Variants in DLC1 observed in about 807,000 individuals in gnomAD.
DLC1 encodes the protein DLC1 Rho GTPase activating protein.
A neutral mutation model predicts 140.3 loss-of-function variants in DLC1; 54 were observed. That is an observed-to-expected ratio of 0.38 (90% CI 0.31 to 0.48). DLC1 has a LOEUF of 0.48. Among genes scored for constraint, DLC1 ranks in the 20% least tolerant of loss-of-function variants. DLC1 has a pLI of 0.96. For missense variants in DLC1, 2,536 were observed against 1,907.0 expected (o/e 1.33, Z -6.14); for synonymous variants, 986 against 728.1 (o/e 1.35, Z -5.70).
At chr8:13,323,679 C>G (rs935166373) in intron 4 of DLC1, among the ~76,000 whole-genome samples, 2 of 152,104 alleles carry the variant, frequency 1.3e-5, no homozygotes, top group African/African-American at 4.8e-5. Flanking sequence ...CATGCATAGT[C>G]AGGCATATGG....
At chr8:13,087,230 T>G (rs1311437432) in intron 16 of DLC1, among the ~76,000 whole-genome samples, 1 of 152,190 alleles carries the variant, frequency 6.6e-6, no homozygotes, top group Non-Finnish European at 1.5e-5. Flanking sequence ...GGTGACACCA[T>G]GTCTCTACCA....
chr8:13,151,556 G>GA (rs1357161703), intron 5 of DLC1, among the ~76,000 whole-genome samples: 2 of 151,946 alleles, frequency 1.3e-5, no homozygotes, highest in African/African-American at 2.4e-5. Flanking sequence ...GACTGAAAAA[G>GA]AAAAAAGAAT....
intron 3 of DLC1, among the ~76,000 whole-genome samples, chr8:13,398,037 A>T (rs978765108): frequency 1.4e-3 from 72 of 52,192 alleles, no homozygotes; most frequent in African/African-American, 4.9e-3. Flanking sequence ...AGGCTGAGGC[A>T]GGAGAATTGC....
At chr8:13,335,288 TG>T (rs2116960053) in intron 4 of DLC1, among the ~76,000 whole-genome samples, 1 of 152,158 alleles carries the variant, frequency 6.6e-6, no homozygotes, top group South Asian at 2.1e-4. Flanking sequence ...ATCAGGCAAA[TG>T]GGTAGAGAAC....
chr8:13,506,211 ATATG>A (rs1161830291), intron 1 of DLC1, among the ~76,000 whole-genome samples: 1 of 152,166 alleles, frequency 6.6e-6, no homozygotes, highest in African/African-American at 2.4e-5. Context: ...GCACACATAA[ATATG>A]TATATGTAAA....
At chr8:13,233,185 C>T (rs1041877447) in intron 5 of DLC1, among the ~76,000 whole-genome samples, 9 of 150,108 alleles carry the variant, frequency 6.0e-5, no homozygotes, top group South Asian at 2.1e-4. Flanking sequence ...ATCCTAGCTA[C>T]TCAAGAGGCT....
intron 5 of DLC1, among the ~76,000 whole-genome samples, chr8:13,146,157 C>T (rs1438638273): frequency 6.6e-6 from 1 of 151,872 alleles, no homozygotes; most frequent in Non-Finnish European, 1.5e-5. Context: ...TGCATGTAGT[C>T]CCAGCTACTC....
chr8:13,110,654 G>T (rs1309287299), intron 7 of DLC1, 88 bp downstream of exon 7: 2 of 1,300,004 alleles, frequency 1.5e-6, no homozygotes, highest in Non-Finnish European at 2.2e-6. Context: ...CAATTAGCAA[G>T]AACAAAAGCA....
chr8:13,113,263 C>T (rs559301625), intron 6 of DLC1, among the ~76,000 whole-genome samples: 8 of 152,238 alleles, frequency 5.3e-5, no homozygotes, highest in African/African-American at 1.7e-4. Flanking sequence ...TTGCCAAGTA[C>T]GCAAATCAAG....
intron 1 of DLC1, among the ~76,000 whole-genome samples, chr8:13,600,047 G>T (rs930018356): frequency 3.9e-5 from 6 of 151,972 alleles, no homozygotes; most frequent in African/African-American, 1.2e-4. Context: ...AAGTTGACAT[G>T]AATGGAGGTA....
At position 13,339,503 on chromosome 8, in the gene DLC1, G is replaced by A. The variant is rs552485975; in HGVS notation, c.1315-34201C>T. 5 of 152,308 alleles carry A rather than the reference G, an allele frequency of 3.3e-5. No individual in the cohort carries two copies. The South Asian group carries it at 1.0e-3, about 32-fold the overall frequency. 9.4% of individuals were successfully genotyped at this position (152,308 alleles called of 1,614,324 possible). A position where few individuals can be genotyped will look rare whatever the true frequency, so the allele number is the denominator to read the frequency against. The stretch of plus-strand genomic sequence containing the variant: ...CAACAGATTACAGGTGAGTATTTTA[G>A]ATATTTTGTTGATACTTGTGTGCTG... On this transcript the variant is annotated intron_variant, in intron 4 of 17. Transcript: ENST00000276297.
At chr8:13,478,282 C>A (rs1431572666) in intron 2 of DLC1, among the ~76,000 whole-genome samples, 1 of 152,112 alleles carries the variant, frequency 6.6e-6, no homozygotes, top group African/African-American at 2.4e-5. Context: ...GGAGGTGCCA[C>A]ACACTTTTAA....
chr8:13,434,146 G>T (rs1340277837), intron 2 of DLC1, among the ~76,000 whole-genome samples: 1 of 152,188 alleles, frequency 6.6e-6, no homozygotes, highest in African/African-American at 2.4e-5. Flanking sequence ...CAAAGTACTG[G>T]GATTACAGGC....
intron 5 of DLC1, among the ~76,000 whole-genome samples, chr8:13,302,733 G>A (rs1205671844): frequency 6.8e-6 from 1 of 146,040 alleles, no homozygotes; most frequent in Non-Finnish European, 1.5e-5. Flanking sequence ...AAAAATGACA[G>A]GCCTTAGGGG....
intron 1 of DLC1, among the ~76,000 whole-genome samples, chr8:13,510,975 CT>C (rs1802333200): frequency 6.6e-6 from 1 of 152,018 alleles, no homozygotes; most frequent in African/African-American, 2.4e-5. Flanking sequence ...CCTGGTTTTC[CT>C]TTCTTTTTTT....
chr8:13,227,707 C>T (rs533911435), intron 5 of DLC1, among the ~76,000 whole-genome samples: 12 of 152,220 alleles, frequency 7.9e-5, no homozygotes, highest in South Asian at 2.1e-4. Context: ...CAAGACATGA[C>T]GAAAGATAAA....
At chr8:13,390,727 C>G (rs1836717108) in intron 4 of DLC1, among the ~76,000 whole-genome samples, 1 of 152,152 alleles carries the variant, frequency 6.6e-6, no homozygotes, top group South Asian at 2.1e-4. Context: ...GTGGCTCACG[C>G]CTGTAATCCC....
chr8:13,175,384 T>C (rs1776179902), intron 5 of DLC1, among the ~76,000 whole-genome samples: 1 of 152,030 alleles, frequency 6.6e-6, no homozygotes. Context: ...GTAGTTTTTT[T>C]CTAATTTTGT....
At chr8:13,298,150 C>G (rs1477173650) in intron 5 of DLC1, among the ~76,000 whole-genome samples, 3 of 152,166 alleles carry the variant, frequency 2.0e-5, no homozygotes, top group Non-Finnish European at 2.9e-5. Flanking sequence ...ACAAGAATTT[C>G]AGGCTATAAT....
Sources: allele counts gnomAD v4.1 joint callset (sites outside exome capture counted in the v4.1 genomes callset), GRCh38; gene constraint gnomAD v4.1.1; transcripts MANE v1.5; gene names NCBI Gene and HGNC (gene_info 2026-07-23, HGNC 2026-07-21).